TEX15: variants seen among roughly 807,000 people sequenced by gnomAD.
The protein encoded by TEX15 is testis-expressed protein 15.
TEX15 carries 171 observed loss-of-function variants against 237.3 expected under a neutral mutation model. The observed-to-expected ratio is 0.72, with a 90% CI of 0.64 to 0.82. The LOEUF is 0.82. Among genes scored for constraint, TEX15 ranks in the 40% least tolerant of loss-of-function variants. The pLI is 0.00. For missense variants in TEX15, 3,750 were observed against 3,646.5 expected (o/e 1.03, Z -0.73); for synonymous variants, 1,338 against 1,269.8 (o/e 1.05, Z -1.14).
rs13263770 is a variant in TEX15, at chr8:30,876,873, G to A, written c.137-1771C>T. On this transcript the variant is annotated intron_variant, in intron 3 of 10. Transcript: ENST00000643185. ...CAGTGGAAGGTAATTGAATCATGGG[G>A]GCAGTTACCCCATGCTAGTCTTGAG... is the stretch of plus-strand genomic sequence containing the variant. 2.4e-3 allele frequency among the ~76,000 whole-genome samples: 364 copies of A among 152,172 alleles called. 2 individuals are homozygous for A. Among genetic ancestry groups the A allele is most frequent in the Non-Finnish European group, 4.0e-3 (272 of 68,012 alleles).
chr8:30,890,211 C>A (rs1808768498), intron 2 of TEX15, among the ~76,000 whole-genome samples: 1 of 151,324 alleles, frequency 6.6e-6, no homozygotes, highest in South Asian at 2.1e-4. Context: ...AGTTTGCTAA[C>A]AATTTAAACA....
chr8:30,883,014 T>G (rs1165724404), intron 3 of TEX15, among the ~76,000 whole-genome samples: 1 of 151,852 alleles, frequency 6.6e-6, no homozygotes, highest in East Asian at 2.0e-4. Context: ...CAAACAAATC[T>G]CCCACCTTGG....
chr8:30,891,500 G>A lies in TEX15; in HGVS notation c.-9-4189C>T, dbSNP rs115881158. The stretch of plus-strand genomic sequence containing the variant: ...CCCCGCACCCCCCCTTTTTTTTTTC[G>A]ACAATGTCTTGCTCTGTTGCCTGGG... On this transcript the variant is annotated intron_variant, in intron 2 of 10. Transcript: ENST00000643185. Among the ~76,000 whole-genome samples the A allele has an allele frequency of 6.8e-3, 1,018 of 148,784 alleles. 16 individuals are homozygous for A. The highest frequency in any genetic ancestry group is 0.024 in the African/African-American group (966 of 40,496).
At chr8:30,879,306 T>G (rs1231514664) in intron 3 of TEX15, among the ~76,000 whole-genome samples, 2 of 152,216 alleles carry the variant, frequency 1.3e-5, no homozygotes, top group African/African-American at 4.8e-5. Context: ...ATTTCTTCTT[T>G]CTTTTATAGA....
chr8:30,861,736 T>C (rs1279949361), intron 5 of TEX15, among the ~76,000 whole-genome samples: 2 of 152,074 alleles, frequency 1.3e-5, no homozygotes, highest in Non-Finnish European at 2.9e-5. Context: ...AAAAGTTTAC[T>C]AAAAAATTAA....
intron 4 of TEX15, among the ~76,000 whole-genome samples, chr8:30,869,903 CT>C (rs1418474662): frequency 6.6e-6 from 1 of 151,880 alleles, no homozygotes; most frequent in Non-Finnish European, 1.5e-5. Flanking sequence ...GCATCAGAAT[CT>C]GTGCTAAAAT....
chr8:30,887,182 T>G lies in TEX15; in HGVS notation c.121A>C (p.Arg41=). Residue 41 remains arginine (R), a synonymous_variant, in exon 3 of 11, where the codon AGG becomes CGG. Transcript: ENST00000643185. ...LKKFTIPKIR[R]TAEKVYLSPC... is the part of the protein sequence containing the mutation. ...GAAATATTACCTTTCTCAGCTGTCC[T>G]CCTGATCTTAGGAATGGTGAATTTC... 6.5e-7 allele frequency: 1 copy of G among 1,534,530 alleles called. No homozygotes were observed. The highest frequency in any genetic ancestry group is 8.7e-7 in the Non-Finnish European group (1 of 1,146,496).
At position 30,844,762 on chromosome 8, in the gene TEX15, T is replaced by A; in HGVS notation, c.5405A>T (p.Asp1802Val). 6.2e-7 allele frequency: 1 copy of A among 1,613,482 alleles called. No homozygotes were observed. Among genetic ancestry groups the A allele is most frequent in the Non-Finnish European group, 8.5e-7 (1 of 1,179,608 alleles). The change falls in exon 8 of 11, where the codon GAT (aspartate) becomes GTT (valine). Residue 1802 changes from aspartate to valine, a missense_variant. By Grantham distance (152) the Asp-to-Val change is radical (BLOSUM62 -3). Transcript: ENST00000643185. ...ELDVASGTEE[D>V]KSYGENIVEL... Reference sequence around the variant, plus strand: ...CACTATATTTTCCCCATAACTTTTATCTTCTTCAGTTCCTGATGCTACATC... The same window carrying A: ...CACTATATTTTCCCCATAACTTTTAACTTCTTCAGTTCCTGATGCTACATC...
intron 4 of TEX15, among the ~76,000 whole-genome samples, chr8:30,873,418 T>C (rs16877447): frequency 0.018 from 2,731 of 152,186 alleles, 95 homozygotes; most frequent in African/African-American, 0.063. Context: ...AAACGGGAAA[T>C]GGTCAAGGCA....
intron 1 of TEX15, among the ~76,000 whole-genome samples, chr8:30,912,510 G>C (rs2128781079): frequency 6.6e-6 from 1 of 152,270 alleles, no homozygotes; most frequent in East Asian, 1.9e-4. Context: ...CGCTGCCTCA[G>C]AGCAGCGAGT....
In TEX15 at chr8:30,867,260, C is replaced by T; in HGVS notation, c.540+5G>A. ...TATACTTAATATTTGTTTTATGATA[C>T]CTACCTTAAAAATTAAAATACTTTC... On this transcript the variant is annotated splice_donor_5th_base_variant and intron_variant, in intron 5 of 10. Coordinates refer to ENST00000643185, the MANE Select transcript of TEX15 (RefSeq NM_001350162.2). 2.2e-6 allele frequency: 3 copies of T among 1,363,984 alleles called. No homozygotes were observed. The highest frequency in any genetic ancestry group is 1.4e-5 in the African/African-American group (1 of 69,468). The allele number at this position is 1,363,984 out of a possible 1,614,324, so 84.5% of individuals were successfully genotyped here. A position where few individuals can be genotyped will look rare whatever the true frequency, so the allele number is the denominator to read the frequency against.
chr8:30,893,527 T>C (rs1360358017), intron 2 of TEX15, among the ~76,000 whole-genome samples: 3 of 152,246 alleles, frequency 2.0e-5, no homozygotes, highest in Non-Finnish European at 4.4e-5. Flanking sequence ...ACAGGTATCT[T>C]GATCTTGCCC....
chr8:30,895,301 A>C (rs1207113408), intron 2 of TEX15, among the ~76,000 whole-genome samples: 2 of 124,316 alleles, frequency 1.6e-5, no homozygotes, highest in Non-Finnish European at 3.6e-5. Flanking sequence ...CCATCTCAAA[A>C]AAAAAAAAAA....
At chr8:30,838,383 T>C (rs954006397) in intron 9 of TEX15, among the ~76,000 whole-genome samples, 1 of 152,080 alleles carries the variant, frequency 6.6e-6, no homozygotes. Flanking sequence ...TTCAGTATAG[T>C]TTTTTAATTC....
chr8:30,858,524 T>C, intron 7 of TEX15, 144 bp downstream of exon 7: 2 of 610,880 alleles, frequency 3.3e-6, no homozygotes, highest in Non-Finnish European at 5.2e-6. Context: ...GTTGGCCAGG[T>C]TGGCCTCAAG....
chr8:30,875,282 T>C (rs553905474), intron 3 of TEX15, among the ~76,000 whole-genome samples, 180 bp from the exon 4 acceptor site: 9 of 152,310 alleles, frequency 5.9e-5, no homozygotes, highest in African/African-American at 1.4e-4. Flanking sequence ...ATACTTGATA[T>C]AAATGAAAAT....
intron 5 of TEX15, among the ~76,000 whole-genome samples, chr8:30,863,105 C>G (rs193122812): frequency 2.0e-4 from 30 of 152,210 alleles, no homozygotes; most frequent in Non-Finnish European, 3.8e-4. Flanking sequence ...TATCCCTTAT[C>G]CAAAATGCTT....
At chr8:30,870,361 A>G (rs1808267100) in intron 4 of TEX15, among the ~76,000 whole-genome samples, 1 of 152,024 alleles carries the variant, frequency 6.6e-6, no homozygotes, top group African/African-American at 2.4e-5. Context: ...TGCCTATGTC[A>G]TAGTTAATTA....
At position 30,845,050 on chromosome 8, in the gene TEX15, T is replaced by C; in HGVS notation, c.5117A>G (p.Asn1706Ser). Reference sequence around the variant, plus strand: ...CTTTTTACTTGCTATCAAAGTTAGGTTTAATGGGCCCATAAGGAAGTTTCC... The same window carrying C: ...CTTTTTACTTGCTATCAAAGTTAGGCTTAATGGGCCCATAAGGAAGTTTCC... ...ITGNFLMGPL[N>S]LTLIASKKYS... The change falls in exon 8 of 11, where the codon AAC (asparagine) becomes AGC (serine). Residue 1706 changes from asparagine to serine, a missense_variant. Asn to Ser is a conservative substitution (Grantham distance 46, BLOSUM62 1). Transcript: ENST00000643185. The C allele has an allele frequency of 6.2e-7, 1 of 1,613,616 alleles. No homozygotes were observed. Among genetic ancestry groups the C allele is most frequent in the Non-Finnish European group, 8.5e-7 (1 of 1,179,570 alleles).
Sources: allele counts gnomAD v4.1 joint callset (sites outside exome capture counted in the v4.1 genomes callset), GRCh38; gene constraint gnomAD v4.1.1; transcripts MANE v1.5; gene names NCBI Gene and HGNC (gene_info 2026-07-23, HGNC 2026-07-21).